FMO2: variants seen among roughly 807,000 people sequenced by gnomAD.
FMO2 encodes flavin containing dimethylaniline monoxygenase 2, also known as flavin-containing monooxygenase 2.
In FMO2, 33 loss-of-function variants were observed where a neutral mutation model predicts 41.6. That is an observed-to-expected ratio of 0.79 (90% CI 0.60 to 1.06). The LOEUF is 1.06. Among genes scored for constraint, FMO2 ranks in the 50% least tolerant of loss-of-function variants. The pLI, the probability that FMO2 is intolerant of heterozygous loss-of-function variation, is 0.00. For synonymous variants in FMO2, 214 were observed against 219.6 expected (o/e 0.97, Z 0.23); for missense variants, 619 against 632.9 (o/e 0.98, Z 0.23).
Position 171,204,034 on chromosome 1 carries a change from A to C in FMO2, c.797A>C (p.His266Pro). Residue 266 changes from histidine to proline, a missense_variant, in exon 6 of 9, where the codon CAT becomes CCT. His to Pro is a moderately conservative substitution (Grantham distance 77, BLOSUM62 -2). Transcript: ENST00000209929. ...CAACAGATGAATCGGTGGTTCAACC[A>C]TGAAAATTATGGCCTTGAGCCTCAA... ...IEQQMNRWFN[H>P]ENYGLEPQNK... The C allele has an allele frequency of 6.2e-7, 1 of 1,613,704 alleles. No individual in the cohort carries two copies. The highest frequency in any genetic ancestry group is 8.5e-7 in the Non-Finnish European group (1 of 1,179,718).
chr1:171,195,513 T>G (rs1658270136), intron 3 of FMO2, among the ~76,000 whole-genome samples: 1 of 152,212 alleles, frequency 6.6e-6, no homozygotes, highest in African/African-American at 2.4e-5. Flanking sequence ...ATCTTTTCTT[T>G]CATCTGAAAA....
intron 5 of FMO2, 143 bp downstream of exon 5, chr1:171,199,631 A>C (rs1658455497): frequency 1.4e-6 from 1 of 718,590 alleles, no homozygotes; most frequent in Admixed American, 3.1e-5. Context: ...AAAATCTGGA[A>C]GTCAAGAAAC....
chr1:171,189,249 T>TTGGATC (rs1657976772), intron 2 of FMO2, among the ~76,000 whole-genome samples: 1 of 152,212 alleles, frequency 6.6e-6, no homozygotes, highest in Admixed American at 6.5e-5. Context: ...ATATTTGGAT[T>TTGGATC]TGGATCTCCT....
At position 171,211,945 on chromosome 1, in the gene FMO2, ATC is replaced by A. The variant is rs1216361817; in HGVS notation, c.*2805_*2806del. Among the ~76,000 whole-genome samples, 3 of 152,312 alleles carry A rather than the reference ATC, an allele frequency of 2.0e-5. No individual in the cohort carries two copies. The South Asian group carries it at 6.2e-4, about 32-fold the overall frequency. On this transcript the variant is annotated 3_prime_UTR_variant, in exon 9 of 9. Transcript: ENST00000209929. ...TAAATCTAGAAACCATTAGTTTGAG[ATC>A]TCTCAAAAATAAAAATAAAAATTGC...
chr1:171,211,586 C>CA lies in FMO2; in HGVS notation c.*2445dup, dbSNP rs2102023945. 6.6e-6 allele frequency among the ~76,000 whole-genome samples: 1 copy of CA among 152,270 alleles called. No individual in the cohort carries two copies. Among genetic ancestry groups the CA allele is most frequent in the South Asian group, 2.1e-4 (1 of 4,812 alleles). On this transcript the variant is annotated 3_prime_UTR_variant, in exon 9 of 9. Transcript: ENST00000209929. Reference sequence around the variant, plus strand: ...ATCCCTAAAATTTTTAGAAATCTCTCAAAATCTTTCCAAATGTTCTGGTAT... The same window carrying CA: ...ATCCCTAAAATTTTTAGAAATCTCTCAAAAATCTTTCCAAATGTTCTGGTAT...
At chr1:171,186,000 G>A (rs2101973239) in intron 2 of FMO2, 155 bp downstream of exon 2, 2 of 805,518 alleles carry the variant, frequency 2.5e-6, no homozygotes, top group East Asian at 2.7e-5. Flanking sequence ...GAAGTCATAG[G>A]CTGGCATCTC....
chr1:171,200,553 T>G (rs1658493070), intron 5 of FMO2, among the ~76,000 whole-genome samples: 1 of 152,100 alleles, frequency 6.6e-6, no homozygotes, highest in Non-Finnish European at 1.5e-5. Context: ...TTCAGGACTC[T>G]AGATACCCAG....
Position 171,199,476 on chromosome 1 carries a change from G to A in FMO2, c.615G>A (p.Lys205=), listed in dbSNP as rs746454731. ...CAGATATTGCTGTTGAGCTGAGTAAGAATGCTGCTCAGGTGTGATGCTCTC... is the reference window on the plus strand; with the variant it reads ...CAGATATTGCTGTTGAGCTGAGTAAAAATGCTGCTCAGGTGTGATGCTCTC... ...SGSDIAVELS[K]NAAQVFISTR... Residue 205 remains lysine (K), a synonymous_variant, in exon 5 of 9, where the codon AAG becomes AAA. Transcript: ENST00000209929. The A allele has an allele frequency of 1.9e-6, 3 of 1,610,684 alleles. No individual in the cohort carries two copies. The highest frequency in any genetic ancestry group is 8.5e-7 in the Non-Finnish European group (1 of 1,178,550).
At chr1:171,202,797 G>A (rs1422309200) in intron 5 of FMO2, among the ~76,000 whole-genome samples, 2 of 152,178 alleles carry the variant, frequency 1.3e-5, no homozygotes, top group Non-Finnish European at 2.9e-5. Flanking sequence ...AATCTTATGT[G>A]TTTATCAAGT....
chr1:171,205,356 C>T lies in FMO2; in HGVS notation c.905C>T (p.Thr302Ile). Residue 302 changes from threonine to isoleucine, a missense_variant, in exon 7 of 9, where the codon ACA (threonine) becomes ATA (isoleucine). Thr to Ile is a moderately conservative substitution (Grantham distance 89, BLOSUM62 -1). Transcript: ENST00000209929. ...LLCGAIKVKS[T>I]VKELTETSAI... ...TGTGGAGCCATCAAGGTGAAATCTA[C>T]AGTGAAAGAGCTCACAGAAACTTCT... 1 of 1,613,752 alleles carries T rather than the reference C, an allele frequency of 6.2e-7. No homozygotes were observed. Among genetic ancestry groups the T allele is most frequent in the Non-Finnish European group, 8.5e-7 (1 of 1,179,766 alleles).
In FMO2 at chr1:171,205,436, A is replaced by G. The variant is rs1658717861; in HGVS notation, c.985A>G (p.Thr329Ala). ...EENIDVIIFATGYSFSFPFLE... is the reference protein window; with the variant it reads ...EENIDVIIFAAGYSFSFPFLE... ...GAACATTGATGTCATCATTTTTGCA[A>G]CAGGATATAGTTTCTCTTTTCCCTT... Residue 329 changes from threonine to alanine, a missense_variant, in exon 7 of 9, where the codon ACA (threonine) becomes GCA (alanine). Thr to Ala is a moderately conservative substitution (Grantham distance 58). Transcript: ENST00000209929. 4 of 1,613,814 alleles carry G rather than the reference A, an allele frequency of 2.5e-6. No homozygotes were observed. The Admixed American group carries it at 5.0e-5, about 20-fold the overall frequency.
chr1:171,198,294 A>T (rs1197495622), intron 4 of FMO2, among the ~76,000 whole-genome samples: 1 of 152,036 alleles, frequency 6.6e-6, no homozygotes, highest in East Asian at 1.9e-4. Context: ...TTTTAGTTTT[A>T]GTTTTTGTTT....
intron 5 of FMO2, among the ~76,000 whole-genome samples, chr1:171,201,838 A>AG (rs1658551847): frequency 1.5e-3 from 1 of 684 alleles, no homozygotes; most frequent in Non-Finnish European, 3.1e-3. Context: ...GCGAAGGGGG[A>AG]ACCCTTATAA....
chr1:171,192,257 T>C (rs1397612564), intron 2 of FMO2, among the ~76,000 whole-genome samples: 1 of 152,154 alleles, frequency 6.6e-6, no homozygotes, highest in Non-Finnish European at 1.5e-5. Flanking sequence ...GTGATTTGTT[T>C]ATCCAGAGTT....
chr1:171,195,442 A>G (rs1459234944), intron 3 of FMO2, among the ~76,000 whole-genome samples: 1 of 152,212 alleles, frequency 6.6e-6, no homozygotes, highest in African/African-American at 2.4e-5. Context: ...CTCAAATCAC[A>G]TTTTGAATAG....
intron 5 of FMO2, among the ~76,000 whole-genome samples, chr1:171,201,152 A>C (rs993453303): frequency 2.6e-5 from 4 of 152,120 alleles, no homozygotes; most frequent in African/African-American, 9.7e-5. Flanking sequence ...AGAGTGCAAA[A>C]GACTTTGTTT....
Position 171,209,536 on chromosome 1 carries a change from T to C in FMO2, c.*391T>C, listed in dbSNP as rs1028919278. On this transcript the variant is annotated 3_prime_UTR_variant, in exon 9 of 9. Transcript: ENST00000209929. ...ATTGTGGGTAAATATTTAAAACTCC[T>C]GAACAATGTTTCTGATGGTCTTCTA... 1 of 156,346 alleles carries C rather than the reference T, an allele frequency of 6.4e-6. No individual in the cohort carries two copies. The highest frequency in any genetic ancestry group is 2.4e-5 in the African/African-American group (1 of 41,656). The allele number at this position is 156,346 out of a possible 1,614,324, so 9.7% of individuals were successfully genotyped here.
At position 171,211,720 on chromosome 1, in the gene FMO2, A is replaced by G. The variant is rs1401991556; in HGVS notation, c.*2575A>G. ...CCTTCTGCCTCCATATATCCTGAACATCAAACTATCCCAGGAAAACCATCT... is the reference window on the plus strand; with the variant it reads ...CCTTCTGCCTCCATATATCCTGAACGTCAAACTATCCCAGGAAAACCATCT... On this transcript the variant is annotated 3_prime_UTR_variant, in exon 9 of 9. Coordinates refer to ENST00000209929, the MANE Select transcript of FMO2 (RefSeq NM_001460.5). Among the ~76,000 whole-genome samples, 1 of 152,230 alleles carries G rather than the reference A, an allele frequency of 6.6e-6. No homozygotes were observed. Among genetic ancestry groups the G allele is most frequent in the Non-Finnish European group, 1.5e-5 (1 of 68,038 alleles).
At position 171,209,788 on chromosome 1, in the gene FMO2, T is replaced by A. The variant is rs988692992; in HGVS notation, c.*643T>A. The A allele has an allele frequency of 6.6e-6, 1 of 152,212 alleles. No homozygotes were observed. Among genetic ancestry groups the A allele is most frequent in the African/African-American group, 2.4e-5 (1 of 41,460 alleles). 9.4% of individuals were successfully genotyped at this position (152,212 alleles called of 1,614,324 possible). The stretch of plus-strand genomic sequence containing the variant: ...AAAAATTAAAATTAAAATGCCATAA[T>A]AGCTACCTAACAAATATATATGTTT... On this transcript the variant is annotated 3_prime_UTR_variant, in exon 9 of 9. Transcript: ENST00000209929.
Sources: gnomAD v4.1 joint callset for allele counts (sites outside exome capture counted in the v4.1 genomes callset) on GRCh38, gnomAD v4.1.1 for gene constraint, MANE v1.5 for transcripts, NCBI Gene and HGNC (gene_info 2026-07-23, HGNC 2026-07-21) for gene names.